Variants in UVSSA observed in about 807,000 individuals in gnomAD.
The protein encoded by UVSSA is UV-stimulated scaffold protein A.
In UVSSA, 72 loss-of-function variants were observed where a neutral mutation model predicts 73.9. That is an observed-to-expected ratio of 0.97 (90% CI 0.81 to 1.19). The LOEUF is 1.19. Ranked by LOEUF, UVSSA falls within the 50% of genes most tolerant of loss-of-function variation. The pLI is 0.00. For missense variants in UVSSA, 1,150 were observed against 965.0 expected, an observed-to-expected ratio of 1.19 and a Z score of -2.54; for synonymous variants, 454 against 391.3, an observed-to-expected ratio of 1.16 and a Z score of -1.89.
At chr4:1,345,282 TGAGAGGAA>T (rs1186456279), upstream of UVSSA, among the ~76,000 whole-genome samples, 27 of 150,680 alleles carry the variant, frequency 1.8e-4, no homozygotes, top group South Asian at 5.5e-3. Context: ...GGGCATGGAG[TGAGAGGAA>T]GAGAGAAGCC....
intron 12 of UVSSA, among the ~76,000 whole-genome samples, chr4:1,383,462 C>G (rs991957741): frequency 6.6e-6 from 1 of 152,196 alleles, no homozygotes; most frequent in East Asian, 1.9e-4. Flanking sequence ...GGAGTGGCCT[C>G]TGGGCTGAGC....
intron 7 of UVSSA, chr4:1,358,433 T>C (rs1470635785): frequency 6.6e-6 from 1 of 152,288 alleles, no homozygotes; most frequent in Non-Finnish European, 1.5e-5. Context: ...ATGGACACTT[T>C]CTAGACTCTT....
At chr4:1,362,012 G>C (rs1173381741) in intron 7 of UVSSA, among the ~76,000 whole-genome samples, 1 of 152,190 alleles carries the variant, frequency 6.6e-6, no homozygotes, top group Non-Finnish European at 1.5e-5. Context: ...GTGTGTGGCG[G>C]ACAGACCTGC....
At chr4:1,349,975 C>G in intron 3 of UVSSA, 121 bp downstream of exon 3, 3 of 946,112 alleles carry the variant, frequency 3.2e-6, no homozygotes, top group Non-Finnish European at 4.6e-6. Flanking sequence ...CTTGGCCTTG[C>G]CTGAACACCC....
intron 8 of UVSSA, among the ~76,000 whole-genome samples, chr4:1,373,302 G>A (rs545986934): frequency 6.6e-5 from 10 of 152,172 alleles, no homozygotes; most frequent in South Asian, 2.1e-4. Context: ...TCTGATGTTC[G>A]AGGGCAGGAA....
Position 1,359,993 on chromosome 4 carries a change from T to G in UVSSA, c.1176+4748T>G, listed in dbSNP as rs183706737. Among the ~76,000 whole-genome samples, 40 of 152,258 alleles carry G rather than the reference T, an allele frequency of 2.6e-4. 1 individual carries two copies. The East Asian group carries it at 7.7e-3, about 29-fold the overall frequency. Reference sequence around the variant, plus strand: ...TCCAGGAGGTGAAAGGGACAGAAACTGAAAACCCAGGAATGAAACGTGGAC... The same window carrying G: ...TCCAGGAGGTGAAAGGGACAGAAACGGAAAACCCAGGAATGAAACGTGGAC... On this transcript the variant is annotated intron_variant, in intron 7 of 13. Coordinates refer to ENST00000389851, the MANE Select transcript of UVSSA (RefSeq NM_020894.4).
At chr4:1,366,159 T>C in intron 7 of UVSSA, 161 bp from the exon 8 acceptor site, 1 of 623,866 alleles carries the variant, frequency 1.6e-6, no homozygotes, top group Non-Finnish European at 2.9e-6. Context: ...AGAACAGCCT[T>C]GGAGACGATC....
chr4:1,350,440 C>G (rs3749456), intron 3 of UVSSA, among the ~76,000 whole-genome samples: 21,448 of 152,146 alleles, frequency 0.14, 2,731 homozygotes, highest in East Asian at 0.43. Context: ...CCCTGTCTCC[C>G]AGGGTTCATG....
At chr4:1,395,746 C>G (rs375041221) in exon 14 of UVSSA, 34 of 1,614,096 alleles carry the variant, frequency 2.1e-5, no homozygotes, top group Non-Finnish European at 2.9e-5. Context: ...CCTGTCCTGC[C>G]GGCCGAGTCA....
At position 1,386,097 on chromosome 4, in the gene UVSSA, C is replaced by A; in HGVS notation, c.*136C>A. The A allele has an allele frequency of 1.1e-6, 1 of 940,586 alleles. No homozygotes were observed. The highest frequency in any genetic ancestry group is 1.5e-5 in the South Asian group (1 of 65,264). 58.3% of individuals were successfully genotyped at this position (940,586 alleles called of 1,614,324 possible). On this transcript the variant is annotated 3_prime_UTR_variant, in exon 14 of 14. Transcript: ENST00000389851. ...TTTGATGTAAAGAAATGGTGTGTTGCAATGCCCTGAAGGTACGGCCGCTCT... is the reference window on the plus strand; with the variant it reads ...TTTGATGTAAAGAAATGGTGTGTTGAAATGCCCTGAAGGTACGGCCGCTCT...
intron 8 of UVSSA, chr4:1,375,130 C>T (rs1718593031): frequency 1.6e-6 from 1 of 607,154 alleles, no homozygotes; most frequent in Non-Finnish European, 2.9e-6. Flanking sequence ...AGCGTGGCCA[C>T]AAGGCGGGAC....
Position 1,372,742 on chromosome 4 carries a change from CGCGTCCCT to C in UVSSA, c.1289-2619_1289-2612del. On this transcript the variant is annotated intron_variant, in intron 8 of 13. Coordinates refer to ENST00000389851, the MANE Select transcript of UVSSA (RefSeq NM_020894.4). Reference sequence around the variant, plus strand: ...CTCCTGCTACTCAGCACTCACCTCCCGCGTCCCTGCACTCACCTCCCGCGTCTCAGGGC... The same window carrying C: ...CTCCTGCTACTCAGCACTCACCTCCCGCACTCACCTCCCGCGTCTCAGGGC... Among the ~76,000 whole-genome samples, 3 of 103,958 alleles carry C rather than the reference CGCGTCCCT, an allele frequency of 2.9e-5. 1 individual carries two copies. In the Admixed American group the frequency reaches 3.1e-4, roughly 11 times the overall value. The allele number at this position is 103,958 out of a possible 152,430, so 68.2% of individuals were successfully genotyped here.
intron 8 of UVSSA, among the ~76,000 whole-genome samples, chr4:1,370,357 C>G (rs934293405): frequency 6.6e-6 from 1 of 152,232 alleles, no homozygotes; most frequent in Non-Finnish European, 1.5e-5. Flanking sequence ...GTGAGCAACA[C>G]CCGGGACACG....
At chr4:1,353,777 G>C (rs1715189462) in intron 5 of UVSSA, among the ~76,000 whole-genome samples, 2 of 152,206 alleles carry the variant, frequency 1.3e-5, no homozygotes, top group Non-Finnish European at 2.9e-5. Context: ...CCCTGGGCAG[G>C]CTGTGTGGGC....
At position 1,353,413 on chromosome 4, in the gene UVSSA, G is replaced by A; in HGVS notation, c.934G>A (p.Glu312Lys). Residue 312 changes from glutamate to lysine, a missense_variant and splice_region_variant, in exon 5 of 14, where the codon GAG (glutamate) becomes AAG (lysine). Transcript: ENST00000389851. ...KYTLDVELCS[E>K]GLKVQENEDN... ...CACGCTGGATGTGGAGCTCTGCTCA[G>A]GTAACTGCCTTCGCGGGGTCTCTGT... 1 of 1,523,800 alleles carries A rather than the reference G, an allele frequency of 6.6e-7. No homozygotes were observed. The highest frequency in any genetic ancestry group is 8.8e-7 in the Non-Finnish European group (1 of 1,132,724). 94.4% of individuals were successfully genotyped at this position (1,523,800 alleles called of 1,614,324 possible).
Position 1,384,192 on chromosome 4 carries a change from A to C in UVSSA, c.2036+252A>C, listed in dbSNP as rs551923192. The C allele has an allele frequency of 5.9e-6, 3 of 506,550 alleles. No individual in the cohort carries two copies. In the East Asian group the frequency reaches 1.1e-4, roughly 18 times the overall value. The allele number at this position is 506,550 out of a possible 1,614,324, so 31.4% of individuals were successfully genotyped here. ...GATAAGAGGGGCTCGACCGCCAGGC[A>C]CCGCCATCCTCGCTTCCTGGGGGAG... On this transcript the variant is annotated intron_variant, in intron 13 of 13. Coordinates refer to ENST00000389851, the MANE Select transcript of UVSSA (RefSeq NM_020894.4).
At chr4:1,348,270 A>C (rs1442562725) in intron 2 of UVSSA, 81 bp downstream of exon 2, 4 of 1,120,672 alleles carry the variant, frequency 3.6e-6, no homozygotes, top group Non-Finnish European at 5.4e-6. Context: ...TCCTGCCCCC[A>C]CCTGGGAGAG....
At chr4:1,348,041 C>T (rs1416995128) in intron 1 of UVSSA, 49 bp from the exon 2 acceptor site, 3 of 1,449,400 alleles carry the variant, frequency 2.1e-6, no homozygotes, top group Non-Finnish European at 2.9e-6. Flanking sequence ...ACACCGAGAG[C>T]TATAAAATAC....
intron 7 of UVSSA, among the ~76,000 whole-genome samples, chr4:1,360,845 C>T (rs1197585490): frequency 6.6e-6 from 1 of 152,208 alleles, no homozygotes; most frequent in African/African-American, 2.4e-5. Flanking sequence ...CTGAAGGGGG[C>T]GTTTACATAA....
Sources: allele counts gnomAD v4.1 joint callset (sites outside exome capture counted in the v4.1 genomes callset), GRCh38; gene constraint gnomAD v4.1.1; transcripts MANE v1.5; gene names NCBI Gene and HGNC (gene_info 2026-07-23, HGNC 2026-07-21).